The following MTSS1 variants were observed in gnomAD, a reference collection of about 807,000 sequenced individuals.
MTSS1 encodes the protein MTSS I-BAR domain containing 1.
MTSS1 carries 18 observed loss-of-function variants against 79.0 expected under a neutral mutation model. That is an observed-to-expected ratio of 0.23 (90% confidence interval 0.16 to 0.34). The LOEUF (loss-of-function observed/expected upper bound fraction) is 0.34. Ranked by LOEUF, MTSS1 falls within the 10% of genes least tolerant of loss-of-function variation. The probability of loss-of-function intolerance (pLI) is 1.00; values close to 1 mark genes in which losing one functional copy is unlikely to be tolerated. For synonymous variants in MTSS1, 341 were observed against 368.6 expected, an observed-to-expected ratio of 0.93 and a Z score of 0.86; for missense variants, 815 against 986.2, an observed-to-expected ratio of 0.83 and a Z score of 2.33.
Position 124,727,788 on chromosome 8 carries a change from G to A in MTSS1, c.72+96C>T, listed in dbSNP as rs1474265310. The A allele has an allele frequency of 8.9e-7, 1 of 1,118,912 alleles. No homozygotes were observed. Among genetic ancestry groups the A allele is most frequent in the African/African-American group, 1.7e-5 (1 of 59,490 alleles). 69.3% of individuals were successfully genotyped at this position (1,118,912 alleles called of 1,614,324 possible). A position where few individuals can be genotyped will look rare whatever the true frequency, so the allele number is the denominator to read the frequency against. ...CAGGTGGCCGGTGGCCACACTGCAG[G>A]GAAGGGCCGGGTGCCCGGCCCGGGG... is the stretch of plus-strand genomic sequence containing the variant. On this transcript the variant is annotated intron_variant, in intron 1 of 13. Transcript: ENST00000518547. The surrounding 1 kb of genome is among the most constrained non-coding windows in gnomAD (Gnocchi z 4.7).
At chr8:124,599,365 C>A (rs1833343637) in intron 3 of MTSS1, among the ~76,000 whole-genome samples, 2 of 151,758 alleles carry the variant, frequency 1.3e-5, no homozygotes, top group African/African-American at 4.8e-5. Flanking sequence ...TGCCTGTAAT[C>A]CCGGCTACTC....
intron 3 of MTSS1, among the ~76,000 whole-genome samples, chr8:124,627,339 G>A (rs1196768920): frequency 2.6e-5 from 4 of 152,206 alleles, no homozygotes. Context: ...AACACTGACT[G>A]AGTGCCACTT....
At chr8:124,628,518 C>T (rs1815204815) in intron 3 of MTSS1, among the ~76,000 whole-genome samples, 1 of 152,150 alleles carries the variant, frequency 6.6e-6, no homozygotes, top group African/African-American at 2.4e-5. Flanking sequence ...CCTGGAGCTC[C>T]CACCAGCCCC....
intron 3 of MTSS1, among the ~76,000 whole-genome samples, chr8:124,631,631 G>C (rs1006658321): frequency 1.3e-5 from 2 of 152,144 alleles, no homozygotes; most frequent in Non-Finnish European, 2.9e-5. Flanking sequence ...CCCCTCCATA[G>C]TCCACTCACT....
intron 6 of MTSS1, among the ~76,000 whole-genome samples, chr8:124,573,220 C>T (rs1040582754): frequency 6.6e-6 from 1 of 152,258 alleles, no homozygotes; most frequent in Non-Finnish European, 1.5e-5. Context: ...TCCTCTCCCT[C>T]TCATCCTCCA....
intron 3 of MTSS1, among the ~76,000 whole-genome samples, chr8:124,676,227 T>C (rs896748659): frequency 6.6e-6 from 1 of 152,222 alleles, no homozygotes; most frequent in Admixed American, 6.5e-5. Context: ...CAGGACTGTC[T>C]CAAAACTGGA....
chr8:124,629,776 C>T (rs1047254634), intron 3 of MTSS1, among the ~76,000 whole-genome samples: 24 of 152,166 alleles, frequency 1.6e-4, no homozygotes, highest in Non-Finnish European at 3.1e-4. Flanking sequence ...CTCTCCCAGA[C>T]ACCACACCAC....
chr8:124,648,714 C>CCCG (rs1554694568), intron 3 of MTSS1, among the ~76,000 whole-genome samples: 2 of 151,860 alleles, frequency 1.3e-5, no homozygotes, highest in African/African-American at 4.9e-5. Context: ...TAGCAGCCCC[C>CCCG]CCCCAGATAC....
intron 3 of MTSS1, among the ~76,000 whole-genome samples, chr8:124,667,708 T>C (rs1027244285): frequency 1.9e-4 from 29 of 152,086 alleles, no homozygotes; most frequent in African/African-American, 6.0e-4. Context: ...ATTTCAGACA[T>C]GTGAGGAAAC....
rs141019644 is a variant in MTSS1, at chr8:124,624,099, G to C, written c.209-32864C>G. ...TTACACCAGCTTAAAACAAAGGAGA[G>C]AGGCTTACTTTCAACCCCCATTTCA... is the stretch of plus-strand genomic sequence containing the variant. On this transcript the variant is annotated intron_variant, in intron 3 of 13. Transcript: ENST00000518547. Among the ~76,000 whole-genome samples, 1,018 of 152,346 alleles carry C rather than the reference G, an allele frequency of 6.7e-3. 9 individuals are homozygous for C. Among genetic ancestry groups the C allele is most frequent in the Non-Finnish European group, 0.011 (778 of 68,040 alleles).
intron 3 of MTSS1, among the ~76,000 whole-genome samples, chr8:124,658,374 A>G (rs150915953): frequency 2.2e-3 from 341 of 152,302 alleles, no homozygotes; most frequent in South Asian, 8.3e-3. Context: ...CCATGTAAGA[A>G]GTGCCTTTCA....
chr8:124,626,950 G>A (rs1488678827), intron 3 of MTSS1, among the ~76,000 whole-genome samples: 2 of 152,002 alleles, frequency 1.3e-5, no homozygotes, highest in African/African-American at 2.4e-5. Context: ...TCAGCAGCCC[G>A]CACCCAGCCC....
rs777038229 is a variant in MTSS1, at chr8:124,557,665, G to A, written c.1230+16C>T. ...GAGGCAATGACGGGGAGAGGAGGAG[G>A]GGGAGAGACACAAACCTTCCAGCTA... On this transcript the variant is annotated intron_variant, in intron 11 of 13. Coordinates refer to ENST00000518547, the MANE Select transcript of MTSS1 (RefSeq NM_014751.6). 7.1e-6 allele frequency: 11 copies of A among 1,555,492 alleles called. No homozygotes were observed. The highest frequency in any genetic ancestry group is 2.7e-5 in the African/African-American group (2 of 73,254).
intron 6 of MTSS1, chr8:124,580,604 T>G: frequency 6.5e-7 from 1 of 1,534,686 alleles, no homozygotes; most frequent in Non-Finnish European, 8.7e-7. Context: ...GGATACACAA[T>G]TGACACAAAA....
At chr8:124,614,695 T>C (rs1371569131) in intron 3 of MTSS1, among the ~76,000 whole-genome samples, 1 of 152,240 alleles carries the variant, frequency 6.6e-6, no homozygotes, top group Non-Finnish European at 1.5e-5. Context: ...AACCTGACCA[T>C]GTCCCATAAC....
intron 1 of MTSS1, among the ~76,000 whole-genome samples, chr8:124,711,964 C>T (rs1361523159): frequency 5.3e-5 from 8 of 150,472 alleles, no homozygotes; most frequent in African/African-American, 9.8e-5. Flanking sequence ...GCCGAGATCA[C>T]GCCACTGCAC....
intron 12 of MTSS1, 98 bp from the exon 13 acceptor site, chr8:124,556,002 A>AG: frequency 6.4e-7 from 1 of 1,555,020 alleles, no homozygotes; most frequent in African/African-American, 1.3e-5. Context: ...CTGTGGGGCC[A>AG]GGGGGCTATT....
intron 3 of MTSS1, among the ~76,000 whole-genome samples, chr8:124,681,314 C>G (rs1244303826): frequency 6.6e-6 from 1 of 151,996 alleles, no homozygotes; most frequent in East Asian, 1.9e-4. Context: ...GTGTTTTATG[C>G]TGAAGGAGCT....
intron 3 of MTSS1, chr8:124,673,522 G>C (rs1445789897): frequency 6.6e-6 from 1 of 152,206 alleles, no homozygotes; most frequent in Non-Finnish European, 1.5e-5. Context: ...CTGCGTGAAA[G>C]TCCCCAGGGG....
Sources: allele counts gnomAD v4.1 joint callset (sites outside exome capture counted in the v4.1 genomes callset), GRCh38; gene constraint gnomAD v4.1.1; non-coding constraint Gnocchi (gnomAD v3.1); transcripts MANE v1.5; gene names NCBI Gene and HGNC (gene_info 2026-07-23, HGNC 2026-07-21).